Variants in ABCD3 observed in about 807,000 individuals in gnomAD.
ABCD3 encodes ATP binding cassette subfamily D member 3.
A neutral mutation model predicts 105.5 loss-of-function variants in ABCD3; 41 were observed. The observed-to-expected ratio is 0.39, with a 90% CI of 0.30 to 0.50. The LOEUF is 0.50. ABCD3 is among the 20% of genes least tolerant of loss of function. The pLI, the probability that ABCD3 is intolerant of heterozygous loss-of-function variation, is 0.84. For missense variants in ABCD3, 622 were observed against 806.3 expected (o/e 0.77, Z 2.77); for synonymous variants, 258 against 269.0 (o/e 0.96, Z 0.40).
rs377055933 is a variant in ABCD3, at chr1:94,491,180, A to G, written c.1323-4A>G. 64 of 1,607,638 alleles carry G rather than the reference A, an allele frequency of 4.0e-5. No homozygotes were observed. Among genetic ancestry groups the G allele is most frequent in the South Asian group, 3.9e-4 (35 of 90,776 alleles). On this transcript the variant is annotated splice_polypyrimidine_tract_variant and splice_region_variant and intron_variant, in intron 15 of 22. Coordinates refer to ENST00000370214, the MANE Select transcript of ABCD3 (RefSeq NM_002858.4). ...AATTCTCTTTTTAAAAATTTCCTCT[A>G]TAGGTTTGATCATGTTCCTTTAGCA...
In ABCD3 at chr1:94,464,785, A is replaced by G. The variant is rs766597210; in HGVS notation, c.158A>G (p.Lys53Arg). The change falls in exon 3 of 23, where the codon AAA (lysine) becomes AGA (arginine). Residue 53 changes from lysine (K) to arginine (R), a missense_variant. Lys to Arg is a conservative substitution (Grantham distance 26, BLOSUM62 2). This residue lies in a region of ABCD3 where 89 missense variants were observed against 77.5 expected (regional missense o/e 1.15). Coordinates refer to ENST00000370214, the MANE Select transcript of ABCD3 (RefSeq NM_002858.4). ...PPLQNNEKEG[K>R]KERAVVDKVF... is the part of the protein sequence containing the mutation. ...TTTTTTTTAATGCAGAAAGAGGGGA[A>G]AAAGGAGCGAGCTGTGGTGGACAAG... 49 of 1,613,730 alleles carry G rather than the reference A, an allele frequency of 3.0e-5. No homozygotes were observed. Among genetic ancestry groups the G allele is most frequent in the Middle Eastern group, 1.7e-4 (1 of 6,058 alleles).
chr1:94,436,932 A>G (rs919374578), intron 1 of ABCD3, among the ~76,000 whole-genome samples: 4 of 152,224 alleles, frequency 2.6e-5, no homozygotes, highest in African/African-American at 9.6e-5. Context: ...TGGTCTGGAT[A>G]GAAGATCAAA....
chr1:94,498,565 T>G (rs561938292), intron 16 of ABCD3, 37 bp from the exon 17 acceptor site: 1 of 1,599,246 alleles, frequency 6.3e-7, no homozygotes, highest in Admixed American at 1.7e-5. Flanking sequence ...TAATTTGATT[T>G]AATTACTTCA....
At chr1:94,391,600 A>G in the ABCD3 span, among the ~76,000 whole-genome samples, 2 of 88,764 alleles carry the variant, frequency 2.3e-5, no homozygotes, top group Non-Finnish European at 4.8e-5. Flanking sequence ...AGTTATCACA[A>G]AGTGCTCAAA....
chr1:94,418,499 C>T lies in ABCD3; in HGVS notation c.21C>T (p.Tyr7=). 1.2e-6 allele frequency: 2 copies of T among 1,604,722 alleles called. No individual in the cohort carries two copies. Among genetic ancestry groups the T allele is most frequent in the Non-Finnish European group, 1.7e-6 (2 of 1,178,986 alleles). MAAFSK[Y]LTARNSSLAG... ...GTGCCATGGCGGCCTTCAGCAAGTA[C>T]TTGACGGCGCGAAACTCCTCGCTGG... is the stretch of plus-strand genomic sequence containing the variant. Residue 7 remains tyrosine (Y), a synonymous_variant, in exon 1 of 23, where the codon TAC becomes TAT. Transcript: ENST00000370214.
the ABCD3 span, among the ~76,000 whole-genome samples, chr1:94,398,898 C>G: frequency 3.9e-5 from 6 of 151,998 alleles, no homozygotes; most frequent in Admixed American, 3.9e-4. Context: ...CGGCGACAGA[C>G]TGACAGAGTG....
At chr1:94,504,855 T>C (rs1258047774) in intron 20 of ABCD3, among the ~76,000 whole-genome samples, 1 of 152,176 alleles carries the variant, frequency 6.6e-6, no homozygotes, top group Non-Finnish European at 1.5e-5. Flanking sequence ...TGCTCTGGGC[T>C]AAGGGCATGT....
At chr1:94,468,532 T>A (rs1570784143) in intron 4 of ABCD3, among the ~76,000 whole-genome samples, 1 of 152,338 alleles carries the variant, frequency 6.6e-6, no homozygotes, top group East Asian at 1.9e-4. Context: ...TAATTTTGAA[T>A]GTAAAAACGT....
intron 1 of ABCD3, among the ~76,000 whole-genome samples, chr1:94,425,011 A>C (rs1659407941): frequency 6.6e-6 from 1 of 152,136 alleles, no homozygotes; most frequent in Non-Finnish European, 1.5e-5. Context: ...TGTGGTTACT[A>C]TTGTTTTAAA....
At chr1:94,397,367 C>T in the ABCD3 span, among the ~76,000 whole-genome samples, 12 of 152,306 alleles carry the variant, frequency 7.9e-5, no homozygotes, top group South Asian at 2.1e-4. Flanking sequence ...TGCACTCAGC[C>T]GCTGTGACTC....
the ABCD3 span, among the ~76,000 whole-genome samples, chr1:94,401,234 A>G: frequency 6.6e-6 from 1 of 152,254 alleles, no homozygotes; most frequent in Non-Finnish European, 1.5e-5. Context: ...GAATTCTTTC[A>G]TATACTGTTT....
chr1:94,500,344 C>T (rs185888329), intron 20 of ABCD3, among the ~76,000 whole-genome samples: 376 of 152,048 alleles, frequency 2.5e-3, no homozygotes, highest in African/African-American at 8.8e-3. Flanking sequence ...TACTGGGAGG[C>T]GGAAAGATTG....
At chr1:94,446,141 T>C (rs1020798837) in intron 1 of ABCD3, among the ~76,000 whole-genome samples, 5 of 152,232 alleles carry the variant, frequency 3.3e-5, no homozygotes, top group African/African-American at 9.6e-5. Context: ...AAGGAAAACA[T>C]TGGGCTAATT....
At chr1:94,416,183 T>C (rs548580470), upstream of ABCD3, among the ~76,000 whole-genome samples, 1 of 152,318 alleles carries the variant, frequency 6.6e-6, no homozygotes, top group East Asian at 1.9e-4. Context: ...ACCGTTACTT[T>C]CTCACAAGGT....
intron 1 of ABCD3, among the ~76,000 whole-genome samples, chr1:94,439,995 A>G (rs775744388): frequency 1.3e-5 from 2 of 152,166 alleles, no homozygotes; most frequent in Admixed American, 6.5e-5. Context: ...CAGCCTCCCA[A>G]GTAGCTGGGA....
chr1:94,396,608 T>C, the ABCD3 span, among the ~76,000 whole-genome samples: 1,934 of 150,928 alleles, frequency 0.013, 27 homozygotes, highest in African/African-American at 0.037. Flanking sequence ...TGTGTGTGTG[T>C]GTGCGCGCGC....
At chr1:94,416,128 T>G (rs146070994), upstream of ABCD3, among the ~76,000 whole-genome samples, 1 of 152,368 alleles carries the variant, frequency 6.6e-6, no homozygotes, top group Admixed American at 6.5e-5. Flanking sequence ...TGTTTTTGAC[T>G]AATCTTGCTT....
At chr1:94,441,008 A>T (rs1253800715) in intron 1 of ABCD3, among the ~76,000 whole-genome samples, 1 of 152,212 alleles carries the variant, frequency 6.6e-6, no homozygotes, top group African/African-American at 2.4e-5. Flanking sequence ...ATTAAAGTAT[A>T]CAAGTGCCAG....
chr1:94,482,902 C>T (rs1649094860), intron 9 of ABCD3: 2 of 417,704 alleles, frequency 4.8e-6, no homozygotes, highest in Middle Eastern at 6.9e-4. Context: ...TCTGAGAATT[C>T]GTGCAGTATG....
Sources: gnomAD v4.1 joint callset for allele counts (sites outside exome capture counted in the v4.1 genomes callset) on GRCh38, gnomAD v4.1.1 for gene constraint, gnomAD v4.1.1 regional missense constraint, MANE v1.5 for transcripts, NCBI Gene and HGNC (gene_info 2026-07-23, HGNC 2026-07-21) for gene names.